The following PYROXD1 variants were observed in gnomAD, a reference collection of about 807,000 sequenced individuals.
The protein encoded by PYROXD1 is pyridine nucleotide-disulphide oxidoreductase domain 1.
In PYROXD1, 42 loss-of-function variants were observed where a neutral mutation model predicts 62.0. The observed-to-expected ratio is 0.68, with a 90% CI of 0.53 to 0.88. The LOEUF (loss-of-function observed/expected upper bound fraction) is 0.88, where lower values mean the gene tolerates loss of function less well. Among genes scored for constraint, PYROXD1 ranks in the 40% least tolerant of loss-of-function variants. The probability of loss-of-function intolerance (pLI) is 0.00; values close to 1 mark genes in which losing one functional copy is unlikely to be tolerated. For synonymous variants in PYROXD1, 170 were observed against 206.4 expected (o/e 0.82, Z 1.51); for missense variants, 493 against 604.8 (o/e 0.82, Z 1.94).
At chr12:21,455,078 A>T in intron 5 of PYROXD1, 54 bp from the exon 6 acceptor site, 2 of 1,147,674 alleles carry the variant, frequency 1.7e-6, no homozygotes, top group Non-Finnish European at 2.3e-6. Flanking sequence ...AAATGCAAAG[A>T]TTTTTTACTT....
chr12:21,461,230 T>A, intron 8 of PYROXD1, 76 bp downstream of exon 8: 1 of 927,844 alleles, frequency 1.1e-6, no homozygotes, highest in Non-Finnish European at 1.5e-6. Context: ...CTGTGTTCTA[T>A]TAAAAATAAC....
intron 7 of PYROXD1, among the ~76,000 whole-genome samples, chr12:21,460,420 A>ATT (rs1396224174): frequency 1.6e-5 from 2 of 126,396 alleles, no homozygotes; most frequent in African/African-American, 6.0e-5. Context: ...TTATTTATTT[A>ATT]TTTTATTTAT....
chr12:21,438,935 G>T (rs772946336), intron 1 of PYROXD1, among the ~76,000 whole-genome samples: 35 of 152,170 alleles, frequency 2.3e-4, no homozygotes, highest in Non-Finnish European at 4.4e-4. Flanking sequence ...TTACAATATT[G>T]TATGTCTATG....
At chr12:21,460,859 A>T (rs1942683830) in intron 7 of PYROXD1, 166 bp from the exon 8 acceptor site, 2 of 402,712 alleles carry the variant, frequency 5.0e-6, no homozygotes, top group Non-Finnish European at 8.9e-6. Context: ...CACTCCTTTC[A>T]TGTGCATAGA....
intron 9 of PYROXD1, among the ~76,000 whole-genome samples, chr12:21,462,500 T>C (rs1196946048): frequency 1.3e-5 from 2 of 152,006 alleles, no homozygotes; most frequent in African/African-American, 4.8e-5. Context: ...ATGGATAAGG[T>C]AGTCACATGG....
chr12:21,437,668 C>T lies in PYROXD1; in HGVS notation c.-63C>T, dbSNP rs1031118605. The stretch of plus-strand genomic sequence containing the variant: ...TGACCGCCTCGCGGCTGCTTCCTCT[C>T]CTGGAGTCCAGAGTCCCGTTGCTCC... On this transcript the variant is annotated 5_prime_UTR_variant, in exon 1 of 12. Transcript: ENST00000240651. 22 of 1,523,234 alleles carry T rather than the reference C, an allele frequency of 1.4e-5. No individual in the cohort carries two copies. The highest frequency in any genetic ancestry group is 2.0e-4 in the Middle Eastern group (1 of 5,030). The allele number at this position is 1,523,234 out of a possible 1,614,324, so 94.4% of individuals were successfully genotyped here. A position where few individuals can be genotyped will look rare whatever the true frequency, so the allele number is the denominator to read the frequency against.
At chr12:21,467,271 C>A (rs1278429691) in intron 10 of PYROXD1, 4 of 448,054 alleles carry the variant, frequency 8.9e-6, no homozygotes, top group Non-Finnish European at 1.2e-5. Context: ...TGATTGGTAT[C>A]ATCTTTTAAT....
intron 10 of PYROXD1, among the ~76,000 whole-genome samples, chr12:21,464,137 G>GTTT (rs34682004): frequency 6.8e-6 from 1 of 146,834 alleles, no homozygotes; most frequent in African/African-American, 2.5e-5. Context: ...GAGTTTATGG[G>GTTT]TTTTTTTTTT....
At chr12:21,464,527 A>G (rs1472321747) in intron 10 of PYROXD1, among the ~76,000 whole-genome samples, 2 of 152,198 alleles carry the variant, frequency 1.3e-5, no homozygotes, top group Admixed American at 1.3e-4. Context: ...AAAAGACAGC[A>G]TTAAGTACAT....
intron 10 of PYROXD1, among the ~76,000 whole-genome samples, chr12:21,464,861 T>A (rs1333442967): frequency 6.6e-6 from 1 of 152,160 alleles, no homozygotes; most frequent in Non-Finnish European, 1.5e-5. Flanking sequence ...GATGTTCCCC[T>A]TCCTGTGTCC....
At position 21,445,450 on chromosome 12, in the gene PYROXD1, T is replaced by C; in HGVS notation, c.269T>C (p.Leu90Pro). 6.3e-7 allele frequency: 1 copy of C among 1,596,194 alleles called. No homozygotes were observed. The highest frequency in any genetic ancestry group is 8.5e-7 in the Non-Finnish European group (1 of 1,175,308). Residue 90 changes from leucine (L) to proline (P), a missense_variant, in exon 3 of 12, where the codon CTG becomes CCG. Physicochemically the swap from Leu to Pro is moderately conservative, Grantham distance 98. Transcript: ENST00000240651. ...GTTATAGAATCTGGCGTAAAGCAACTGAAGAGTGAAGAACACGTAAGATAA... is the reference window on the plus strand; with the variant it reads ...GTTATAGAATCTGGCGTAAAGCAACCGAAGAGTGAAGAACACGTAAGATAA... ...IKVIESGVKQ[L>P]KSEEHCIVTE...
intron 2 of PYROXD1, among the ~76,000 whole-genome samples, chr12:21,443,533 CTCA>C (rs1481725522): frequency 6.6e-6 from 1 of 152,004 alleles, no homozygotes; most frequent in African/African-American, 2.4e-5. Context: ...TTTCCTGTAG[CTCA>C]ACTGTTAAAA....
At chr12:21,464,039 C>A (rs1031215496) in intron 10 of PYROXD1, among the ~76,000 whole-genome samples, 1 of 152,072 alleles carries the variant, frequency 6.6e-6, no homozygotes, top group African/African-American at 2.4e-5. Context: ...GTAGAGACAT[C>A]AGTAAGAATG....
At chr12:21,451,361 AC>A (rs1942494880) in intron 4 of PYROXD1, among the ~76,000 whole-genome samples, 1 of 151,570 alleles carries the variant, frequency 6.6e-6, no homozygotes, top group Non-Finnish European at 1.5e-5. Flanking sequence ...ATTTACATTT[AC>A]CACTGGCTTC....
intron 2 of PYROXD1, among the ~76,000 whole-genome samples, chr12:21,440,782 A>G (rs28690452): frequency 0.36 from 55,177 of 152,040 alleles, 11,429 homozygotes; most frequent in South Asian, 0.53. Flanking sequence ...TCTCCATTCA[A>G]TATATTATTA....
At chr12:21,449,510 A>T (rs1565546854) in intron 3 of PYROXD1, 53 bp from the exon 4 acceptor site, 8 of 1,549,760 alleles carry the variant, frequency 5.2e-6, no homozygotes, top group Non-Finnish European at 7.0e-6. Flanking sequence ...GTGAAGTTGT[A>T]TCCATGTTGA....
At chr12:21,464,724 G>GTT (rs59314106) in intron 10 of PYROXD1, among the ~76,000 whole-genome samples, 1,317 of 120,632 alleles carry the variant, frequency 0.011, 10 homozygotes, top group African/African-American at 0.029. Flanking sequence ...CAAGGTCAGT[G>GTT]TTTTTTTTTT....
chr12:21,440,261 C>A, intron 1 of PYROXD1, 107 bp from the exon 2 acceptor site: 1 of 623,752 alleles, frequency 1.6e-6, no homozygotes, highest in Non-Finnish European at 2.8e-6. Context: ...TTTTAATTTT[C>A]TAGATTAATT....
rs1942936562 is a variant in PYROXD1, at chr12:21,470,958, T to A, written c.*2204T>A. On this transcript the variant is annotated 3_prime_UTR_variant, in exon 12 of 12. Coordinates refer to ENST00000240651, the MANE Select transcript of PYROXD1 (RefSeq NM_024854.5). ...TAAAATATATAAAACTGAAAATTAATAGCCATTTACCCTGAAAGAGTTCTG... is the reference window on the plus strand; with the variant it reads ...TAAAATATATAAAACTGAAAATTAAAAGCCATTTACCCTGAAAGAGTTCTG... 6.7e-7 allele frequency: 1 copy of A among 1,483,548 alleles called. No individual in the cohort carries two copies. Among genetic ancestry groups the A allele is most frequent in the African/African-American group, 1.5e-5 (1 of 67,630 alleles). 91.9% of individuals were successfully genotyped at this position (1,483,548 alleles called of 1,614,324 possible).
Sources: allele counts gnomAD v4.1 joint callset (sites outside exome capture counted in the v4.1 genomes callset), GRCh38; gene constraint gnomAD v4.1.1; transcripts MANE v1.5; gene names NCBI Gene and HGNC (gene_info 2026-07-23, HGNC 2026-07-21).